ASF1A: variants seen among roughly 807,000 people sequenced by gnomAD.
ASF1A encodes histone chaperone ASF1A.
ASF1A carries 5 observed loss-of-function variants against 22.0 expected under a neutral mutation model. The ratio of observed to expected loss-of-function variants is 0.23; its 90% confidence interval spans 0.12 to 0.48. ASF1A has a LOEUF of 0.48. ASF1A is among the 20% of genes least tolerant of loss of function. The pLI is 0.99. For missense variants in ASF1A, 137 were observed against 240.6 expected (o/e 0.57, Z 2.85); for synonymous variants, 97 against 86.7 (o/e 1.12, Z -0.66).
intron 1 of ASF1A, among the ~76,000 whole-genome samples, chr6:118,897,011 T>A (rs1779466555): frequency 6.6e-6 from 1 of 152,076 alleles, no homozygotes; most frequent in Non-Finnish European, 1.5e-5. Context: ...GCTAATTTTT[T>A]AATTTTTTGT....
In ASF1A at chr6:118,894,261, AAAT is replaced by A. The variant is rs1281165247; in HGVS notation, c.-150_-148del. On this transcript the variant is annotated 5_prime_UTR_variant, in exon 1 of 4. Coordinates refer to ENST00000229595, the MANE Select transcript of ASF1A (RefSeq NM_014034.3). ...AAAACACTGTGGAGTGCTCCCGTGT[AAAT>A]AAAAAGAGGAAAAAAGTTTCTCAAG... is the stretch of plus-strand genomic sequence containing the variant. 1.4e-6 allele frequency: 2 copies of A among 1,456,126 alleles called. No individual in the cohort carries two copies. Among genetic ancestry groups the A allele is most frequent in the Admixed American group, 2.6e-5 (1 of 38,856 alleles). 90.2% of individuals were successfully genotyped at this position (1,456,126 alleles called of 1,614,324 possible).
chr6:118,902,676 A>T (rs1779886651), intron 2 of ASF1A, among the ~76,000 whole-genome samples: 1 of 152,142 alleles, frequency 6.6e-6, no homozygotes, highest in African/African-American at 2.4e-5. Context: ...ATGTATTCAA[A>T]AGTATTTCCT....
chr6:118,900,054 A>G (rs1779700267), intron 1 of ASF1A, among the ~76,000 whole-genome samples: 1 of 152,196 alleles, frequency 6.6e-6, no homozygotes. Flanking sequence ...TAACGCCTTG[A>G]ATTGCACCTG....
Position 118,900,759 on chromosome 6 carries a change from A to T in ASF1A, c.110-7A>T. The T allele has an allele frequency of 1.3e-6, 2 of 1,590,062 alleles. No homozygotes were observed. The highest frequency in any genetic ancestry group is 1.7e-6 in the Non-Finnish European group (2 of 1,158,172). ...TATGAAATAATGCTTTGGTTTTTTA[A>T]CCCTAGACTTGGAATGGAAAATTAT... On this transcript the variant is annotated splice_polypyrimidine_tract_variant and splice_region_variant and intron_variant, in intron 1 of 3. Transcript: ENST00000229595.
chr6:118,894,198 G>C lies in ASF1A; in HGVS notation c.-216G>C, dbSNP rs1779176921. ...GAGGGCAACGCTGCTACTTATCAGA[G>C]CAGAATGGGCTGTAGTTTAGTGAAA... On this transcript the variant is annotated 5_prime_UTR_variant, in exon 1 of 4. Transcript: ENST00000229595. 5 of 1,372,280 alleles carry C rather than the reference G, an allele frequency of 3.6e-6. No homozygotes were observed. Among genetic ancestry groups the C allele is most frequent in the Non-Finnish European group, 9.4e-7 (1 of 1,063,870 alleles). The allele number at this position is 1,372,280 out of a possible 1,614,324, so 85.0% of individuals were successfully genotyped here. A position where few individuals can be genotyped will look rare whatever the true frequency, so the allele number is the denominator to read the frequency against.
chr6:118,905,192 GGTATGAGAATATAA>G (rs1421350299), intron 2 of ASF1A, among the ~76,000 whole-genome samples: 1 of 152,050 alleles, frequency 6.6e-6, no homozygotes, highest in Non-Finnish European at 1.5e-5. Flanking sequence ...TGGTTGAGTG[GGTATGAGAATATAA>G]GTATCCTGGG....
intron 2 of ASF1A, 184 bp downstream of exon 2, chr6:118,901,065 G>T: frequency 1.9e-6 from 1 of 524,688 alleles, no homozygotes; most frequent in Non-Finnish European, 3.4e-6. Flanking sequence ...CTTACTTCCT[G>T]GTTTTATATG....
intron 1 of ASF1A, among the ~76,000 whole-genome samples, chr6:118,896,672 A>T (rs916216664): frequency 6.6e-6 from 1 of 152,204 alleles, no homozygotes; most frequent in African/African-American, 2.4e-5. Flanking sequence ...GCTGAGTCAT[A>T]CTGAAGCTGC....
intron 1 of ASF1A, 63 bp downstream of exon 1, chr6:118,894,585 G>A (rs1042490786): frequency 2.2e-6 from 3 of 1,380,048 alleles, no homozygotes; most frequent in Admixed American, 4.0e-5. Flanking sequence ...AAAGTTTCCC[G>A]GGCCGGGCCT....
Position 118,894,246 on chromosome 6 carries a change from G to A in ASF1A, c.-168G>A, listed in dbSNP as rs1779181055. ...AAATAGGAAAGCTGCAAAACACTGT[G>A]GAGTGCTCCCGTGTAAATAAAAAGA... On this transcript the variant is annotated 5_prime_UTR_variant, in exon 1 of 4. Coordinates refer to ENST00000229595, the MANE Select transcript of ASF1A (RefSeq NM_014034.3). 4 of 1,447,394 alleles carry A rather than the reference G, an allele frequency of 2.8e-6. No individual in the cohort carries two copies. Among genetic ancestry groups the A allele is most frequent in the South Asian group, 1.5e-5 (1 of 68,646 alleles). The allele number at this position is 1,447,394 out of a possible 1,614,324, so 89.7% of individuals were successfully genotyped here. A position where few individuals can be genotyped will look rare whatever the true frequency, so the allele number is the denominator to read the frequency against.
chr6:118,894,257 G>A lies in ASF1A; in HGVS notation c.-157G>A, dbSNP rs758742292. The A allele has an allele frequency of 1.2e-4, 177 of 1,454,902 alleles. No homozygotes were observed. Among genetic ancestry groups the A allele is most frequent in the Non-Finnish European group, 1.5e-4 (168 of 1,109,492 alleles). The allele number at this position is 1,454,902 out of a possible 1,614,324, so 90.1% of individuals were successfully genotyped here. A position where few individuals can be genotyped will look rare whatever the true frequency, so the allele number is the denominator to read the frequency against. On this transcript the variant is annotated 5_prime_UTR_variant, in exon 1 of 4. The change creates a new upstream start codon in the 5' untranslated region. Transcript: ENST00000229595. ...CTGCAAAACACTGTGGAGTGCTCCC[G>A]TGTAAATAAAAAGAGGAAAAAAGTT...
chr6:118,901,023 G>T, intron 2 of ASF1A, 142 bp downstream of exon 2: 1 of 613,078 alleles, frequency 1.6e-6, no homozygotes. Flanking sequence ...TTTCCATCAT[G>T]TTTTAGGCAG....
chr6:118,906,500 A>G (rs1019377649), intron 3 of ASF1A, among the ~76,000 whole-genome samples: 1 of 152,222 alleles, frequency 6.6e-6, no homozygotes, highest in African/African-American at 2.4e-5. Flanking sequence ...TGTTGTACTA[A>G]TTATTCAATG....
At chr6:118,897,296 G>A (rs1267493611) in intron 1 of ASF1A, among the ~76,000 whole-genome samples, 1 of 152,104 alleles carries the variant, frequency 6.6e-6, no homozygotes, top group Admixed American at 6.6e-5. Context: ...AAAAAGCCTT[G>A]AGGAATATTT....
At position 118,899,492 on chromosome 6, in the gene ASF1A, C is replaced by T. The variant is rs576170846; in HGVS notation, c.110-1274C>T. Among the ~76,000 whole-genome samples, 22 of 152,216 alleles carry T rather than the reference C, an allele frequency of 1.4e-4. No homozygotes were observed. The South Asian group carries it at 3.1e-3, about 22-fold the overall frequency. On this transcript the variant is annotated intron_variant, in intron 1 of 3. Transcript: ENST00000229595. ...GCGAGATACTTATATTGCCTACTTCCTCTCTATCTCCATCAACAGATGATC... is the reference window on the plus strand; with the variant it reads ...GCGAGATACTTATATTGCCTACTTCTTCTCTATCTCCATCAACAGATGATC...
chr6:118,904,116 A>C (rs1780001035), intron 2 of ASF1A, among the ~76,000 whole-genome samples: 1 of 152,212 alleles, frequency 6.6e-6, no homozygotes, highest in African/African-American at 2.4e-5. Context: ...TATCTGTGTT[A>C]ATGCTGGTAG....
intron 2 of ASF1A, among the ~76,000 whole-genome samples, chr6:118,905,271 T>C (rs1400062664): frequency 1.3e-5 from 2 of 152,172 alleles, no homozygotes; most frequent in African/African-American, 4.8e-5. Context: ...TATGAGGAGA[T>C]CATTTAATAC....
intron 1 of ASF1A, among the ~76,000 whole-genome samples, chr6:118,896,705 C>T (rs1259938442): frequency 6.6e-6 from 1 of 152,084 alleles, no homozygotes; most frequent in African/African-American, 2.4e-5. Flanking sequence ...CAAAAAGGTG[C>T]CATGCCTGTA....
intron 1 of ASF1A, among the ~76,000 whole-genome samples, chr6:118,897,575 C>G (rs921955701): frequency 2.0e-5 from 3 of 152,052 alleles, no homozygotes; most frequent in Admixed American, 2.0e-4. Context: ...TCCACTAGAC[C>G]ACAGGTCTTC....
Sources: allele counts gnomAD v4.1 joint callset (sites outside exome capture counted in the v4.1 genomes callset), GRCh38; gene constraint gnomAD v4.1.1; transcripts MANE v1.5; gene names NCBI Gene and HGNC (gene_info 2026-07-23, HGNC 2026-07-21).